The following NRXN1 variants were observed in gnomAD, a reference collection of about 807,000 sequenced individuals.
NRXN1 encodes the protein neurexin 1, also known as neurexin-1.
A neutral mutation model predicts 150.9 loss-of-function variants in NRXN1; 39 were observed. The ratio of observed to expected loss-of-function variants is 0.26; its 90% confidence interval spans 0.20 to 0.34. NRXN1 has a LOEUF of 0.34. Ranked by LOEUF, NRXN1 falls within the 10% of genes least tolerant of loss-of-function variation. The pLI is 1.00. For missense variants in NRXN1, 1,815 were observed against 1,949.9 expected (o/e 0.93, Z 1.30); for synonymous variants, 924 against 757.0 (o/e 1.22, Z -3.62).
chr2:50,543,604 C>T (rs994951639), intron 9 of NRXN1, among the ~76,000 whole-genome samples: 1 of 151,956 alleles, frequency 6.6e-6, no homozygotes. Context: ...ATTTATGTTT[C>T]TTGTAAAACT....
intron 17 of NRXN1, among the ~76,000 whole-genome samples, chr2:50,446,292 T>A (rs958807489): frequency 1.3e-5 from 2 of 152,202 alleles, no homozygotes; most frequent in Non-Finnish European, 2.9e-5. Flanking sequence ...GTCTGGCTTT[T>A]ATTTTATATC....
In NRXN1 at chr2:50,497,344, T is replaced by C. The variant is rs761274290; in HGVS notation, c.2868A>G (p.Glu956=). ...SGDGNDFIVV[E]LVKGYLHYVF... ...AGGCATGTACTCACCCTTTAACTAATTCAACCACAATAAAGTCATTTCCAT... is the reference window on the plus strand; with the variant it reads ...AGGCATGTACTCACCCTTTAACTAACTCAACCACAATAAAGTCATTTCCAT... The change falls in exon 14 of 23, where the codon GAA becomes GAG. Residue 956 remains glutamate, a synonymous_variant. Transcript: ENST00000401669. 2.6e-6 allele frequency: 4 copies of C among 1,533,474 alleles called. No homozygotes were observed. The East Asian group carries it at 9.0e-5, about 35-fold the overall frequency. The allele number at this position is 1,533,474 out of a possible 1,614,324, so 95.0% of individuals were successfully genotyped here.
intron 21 of NRXN1, among the ~76,000 whole-genome samples, chr2:49,946,391 T>C (rs113385455): frequency 7.0e-4 from 107 of 152,296 alleles, no homozygotes; most frequent in African/African-American, 2.5e-3. Flanking sequence ...TTTAATTAGA[T>C]CCCATTTGTC....
At chr2:50,114,250 A>G (rs1032707337) in intron 18 of NRXN1, among the ~76,000 whole-genome samples, 1 of 152,170 alleles carries the variant, frequency 6.6e-6, no homozygotes, top group Admixed American at 6.5e-5. Flanking sequence ...AAATACATAC[A>G]TGAAAGATAC....
At chr2:50,454,455 C>A (rs1216096173) in intron 17 of NRXN1, among the ~76,000 whole-genome samples, 1 of 152,004 alleles carries the variant, frequency 6.6e-6, no homozygotes, top group Non-Finnish European at 1.5e-5. Context: ...TATACGTGCC[C>A]ATGAACATAT....
At chr2:50,961,544 G>A (rs925519840) in intron 2 of NRXN1, among the ~76,000 whole-genome samples, 37 of 151,764 alleles carry the variant, frequency 2.4e-4, no homozygotes, top group African/African-American at 6.8e-4. Flanking sequence ...AAAAAAACAC[G>A]GACTTTTATA....
intron 17 of NRXN1, among the ~76,000 whole-genome samples, chr2:50,373,676 A>AAGAG (rs974152833): frequency 9.6e-6 from 1 of 103,932 alleles, no homozygotes; most frequent in African/African-American, 4.7e-5. Flanking sequence ...GAAAGAAAGA[A>AAGAG]AGAAAAGAAA....
At chr2:50,018,890 A>C (rs1687053886) in intron 21 of NRXN1, among the ~76,000 whole-genome samples, 1 of 152,226 alleles carries the variant, frequency 6.6e-6, no homozygotes, top group Admixed American at 6.5e-5. Flanking sequence ...TTTCATATCG[A>C]TCTCAGAATC....
intron 21 of NRXN1, among the ~76,000 whole-genome samples, chr2:49,961,484 A>G (rs1675948920): frequency 6.6e-6 from 1 of 152,122 alleles, no homozygotes; most frequent in African/African-American, 2.4e-5. Flanking sequence ...ATGAGAACAC[A>G]ATAATTAGCT....
intron 5 of NRXN1, among the ~76,000 whole-genome samples, chr2:50,911,425 A>G (rs1380140508): frequency 6.6e-6 from 1 of 151,438 alleles, no homozygotes; most frequent in Non-Finnish European, 1.5e-5. Flanking sequence ...TATAATTTCT[A>G]TACCTGAGTC....
chr2:50,012,861 C>T (rs1321118043), intron 21 of NRXN1, among the ~76,000 whole-genome samples: 1 of 152,004 alleles, frequency 6.6e-6, no homozygotes, highest in Admixed American at 6.6e-5. Flanking sequence ...AATAGTTAAC[C>T]CATGGAATGG....
At chr2:50,356,113 G>T (rs1572659130) in intron 17 of NRXN1, among the ~76,000 whole-genome samples, 1 of 151,182 alleles carries the variant, frequency 6.6e-6, no homozygotes, top group African/African-American at 2.4e-5. Flanking sequence ...CTGCCAAGTT[G>T]AATTACAGAA....
intron 5 of NRXN1, among the ~76,000 whole-genome samples, chr2:50,782,403 G>A (rs1414301883): frequency 6.6e-6 from 1 of 151,818 alleles, no homozygotes; most frequent in Non-Finnish European, 1.5e-5. Context: ...CTGGGAAAAG[G>A]GGTTGCAGTG....
intron 8 of NRXN1, among the ~76,000 whole-genome samples, chr2:50,595,665 T>C (rs1482382074): frequency 2.6e-5 from 4 of 152,074 alleles, no homozygotes; most frequent in African/African-American, 7.2e-5. Flanking sequence ...TCCAGGAAGA[T>C]TGGAAGGGCT....
chr2:50,074,813 G>A (rs534955079), intron 19 of NRXN1, among the ~76,000 whole-genome samples: 5 of 152,272 alleles, frequency 3.3e-5, no homozygotes, highest in African/African-American at 1.2e-4. Flanking sequence ...AGTATGGAAA[G>A]AGCATCATCA....
In NRXN1 at chr2:50,521,201, A is replaced by G. The variant is rs545224154; in HGVS notation, c.2374+7424T>C. 5.9e-4 allele frequency among the ~76,000 whole-genome samples: 90 copies of G among 152,316 alleles called. 1 individual carries two copies. Among genetic ancestry groups the G allele is most frequent in the Admixed American group, 1.6e-3 (24 of 15,286 alleles). On this transcript the variant is annotated intron_variant, in intron 12 of 22. Coordinates refer to ENST00000401669, the MANE Select transcript of NRXN1 (RefSeq NM_001330078.2). ...TTTAAAAGGGATTTTGTTAACTCATATCTTAAATCACGCATTTCAAAAGCA... is the reference window on the plus strand; with the variant it reads ...TTTAAAAGGGATTTTGTTAACTCATGTCTTAAATCACGCATTTCAAAAGCA...
At chr2:50,111,233 C>T (rs577447417) in intron 18 of NRXN1, among the ~76,000 whole-genome samples, 28 of 152,236 alleles carry the variant, frequency 1.8e-4, no homozygotes, top group Non-Finnish European at 2.9e-5. Flanking sequence ...CATGTGATAA[C>T]AGAAGCCCTT....
At chr2:50,875,509 C>A (rs78268258) in intron 5 of NRXN1, among the ~76,000 whole-genome samples, 7,149 of 151,652 alleles carry the variant, frequency 0.047, 220 homozygotes, top group Non-Finnish European at 0.067. Flanking sequence ...TAAAATCCAG[C>A]CATTTTTCTC....
At chr2:50,616,249 G>C (rs1418988947) in intron 8 of NRXN1, 1 of 152,032 alleles carries the variant, frequency 6.6e-6, no homozygotes, top group Non-Finnish European at 1.5e-5. Flanking sequence ...TTTAAACAAA[G>C]CACCATATGA....
Sources: allele counts gnomAD v4.1 joint callset (sites outside exome capture counted in the v4.1 genomes callset), GRCh38; gene constraint gnomAD v4.1.1; transcripts MANE v1.5; gene names NCBI Gene and HGNC (gene_info 2026-07-23, HGNC 2026-07-21).